Variants in PODNL1 observed in about 807,000 individuals in gnomAD.
PODNL1 encodes podocan like 1, also known as podocan-like protein 1.
A neutral mutation model predicts 45.1 loss-of-function variants in PODNL1; 50 were observed. The ratio of observed to expected loss-of-function variants is 1.11; its 90% CI spans 0.88 to 1.40. The LOEUF (loss-of-function observed/expected upper bound fraction) is 1.40. PODNL1 is among the 40% of genes most tolerant of loss of function. PODNL1 has a pLI of 0.00. For missense variants in PODNL1, 788 were observed against 793.3 expected, an observed-to-expected ratio of 0.99 and a Z score of 0.08; for synonymous variants, 406 against 372.5, an observed-to-expected ratio of 1.09 and a Z score of -1.04.
intron 1 of PODNL1, among the ~76,000 whole-genome samples, chr19:13,952,184 C>T (rs1973069616): frequency 6.6e-6 from 1 of 152,232 alleles, no homozygotes; most frequent in African/African-American, 2.4e-5. Flanking sequence ...CCTGTGGTCT[C>T]CATGGAAACC....
At chr19:13,934,660 G>A (rs1210523442) in intron 5 of PODNL1, among the ~76,000 whole-genome samples, 1 of 151,842 alleles carries the variant, frequency 6.6e-6, no homozygotes, top group East Asian at 1.9e-4. Context: ...GTGTGCATGT[G>A]TAAGTGTAAT....
rs763976047 is a variant in PODNL1, at chr19:13,938,218, G to C, written c.-37C>G. ...ACTCTGCCATCTCGCCCAAGCTGCT[G>C]ACCAGGACTTCCTAATGGAAACCAG... On this transcript the variant is annotated 5_prime_UTR_variant, in exon 1 of 10. Transcript: ENST00000588872. The C allele has an allele frequency of 6.2e-7, 1 of 1,605,986 alleles. No homozygotes were observed. Among genetic ancestry groups the C allele is most frequent in the Admixed American group, 1.7e-5 (1 of 59,240 alleles).
chr19:13,950,535 T>C lies in PODNL1; in HGVS notation c.18+2584A>G, dbSNP rs930269233. On this transcript the variant is annotated intron_variant, in intron 1 of 7. Transcript: ENST00000538371. ...TGTCTGATGTTGTCTAATGGTTAGA[T>C]TGAGGTTCTAGGTTTGGGGATAATA... 4.6e-5 allele frequency among the ~76,000 whole-genome samples: 7 copies of C among 152,188 alleles called. 1 individual carries two copies. The South Asian group carries it at 1.4e-3, about 31-fold the overall frequency.
intron 6 of PODNL1, 129 bp from the exon 7 acceptor site, chr19:13,934,122 C>G (rs761064281): frequency 1.2e-5 from 16 of 1,373,764 alleles, no homozygotes; most frequent in Non-Finnish European, 1.6e-5. Flanking sequence ...TAAAGTGATT[C>G]AAAGAAGGAT....
In PODNL1 at chr19:13,933,898, G is replaced by T. The variant is rs756334487; in HGVS notation, c.747C>A (p.Gly249=). 3 of 1,610,082 alleles carry T rather than the reference G, an allele frequency of 1.9e-6. No homozygotes were observed. In the African/African-American group the frequency reaches 4.0e-5, roughly 22 times the overall value. The change falls in exon 7 of 10, where the codon GGC becomes GGA. Residue 249 remains glycine (G), a synonymous_variant. Transcript: ENST00000588872. The surrounding 1 kb of genome is among the most constrained non-coding windows in gnomAD (Gnocchi z 5.2). ...TGTACCTGAAGGTGGTGGCATCCAG[G>T]CCACTGTCTGTCAGCTGGTTGTGCT... ...YLQHNQLTDS[G]LDATTFSKLH... is the part of the protein sequence containing the mutation.
intron 5 of PODNL1, 81 bp from the exon 6 acceptor site, chr19:13,934,491 C>T (rs938349839): frequency 2.2e-6 from 3 of 1,360,360 alleles, no homozygotes; most frequent in Non-Finnish European, 2.9e-6. Context: ...TGCTCAGGGT[C>T]GCCTTCAGTG....
chr19:13,935,693 T>C (rs773651048), intron 5 of PODNL1, 28 bp downstream of exon 5: 4 of 1,474,972 alleles, frequency 2.7e-6, no homozygotes, highest in Non-Finnish European at 3.6e-6. Context: ...ATCTGAGGCC[T>C]GGGGGCCTGG....
chr19:13,948,354 C>T (rs1366184388), intron 1 of PODNL1, among the ~76,000 whole-genome samples: 3 of 147,190 alleles, frequency 2.0e-5, no homozygotes, highest in Non-Finnish European at 4.5e-5. Flanking sequence ...GCGCCCGCCA[C>T]CACGCCCGGC....
chr19:13,933,432 A>C lies in PODNL1; in HGVS notation c.791T>G (p.Leu264Arg). ...TFSKLHSLEY[L>R]DLSHNQLTTV... ...GGTCAGCTGGTTGTGGGAGAGATCCAGGTATTCAAGGCTATGCAGCTTGCT... is the reference window on the plus strand; with the variant it reads ...GGTCAGCTGGTTGTGGGAGAGATCCCGGTATTCAAGGCTATGCAGCTTGCT... Residue 264 changes from leucine to arginine, a missense_variant, in exon 8 of 10, where the codon CTG (leucine) becomes CGG (arginine). Leu to Arg is a moderately radical substitution (Grantham distance 102). Transcript: ENST00000588872. The surrounding 1 kb of genome is among the most constrained non-coding windows in gnomAD (Gnocchi z 5.2). 1 of 1,586,492 alleles carries C rather than the reference A, an allele frequency of 6.3e-7. No homozygotes were observed. Among genetic ancestry groups the C allele is most frequent in the Non-Finnish European group, 8.6e-7 (1 of 1,168,138 alleles).
In PODNL1 at chr19:13,933,235, G is replaced by C; in HGVS notation, c.988C>G (p.Arg330Gly). The change falls in exon 8 of 10, where the codon CGG becomes GGG. Residue 330 changes from arginine to glycine, a missense_variant. By Grantham distance (125) the Arg-to-Gly change is moderately radical. Coordinates refer to ENST00000588872, the MANE Select transcript of PODNL1 (RefSeq NM_001370095.3). The surrounding 1 kb of genome is among the most constrained non-coding windows in gnomAD (Gnocchi z 5.2). Reference sequence around the variant, plus strand: ...TAGAGGTGCAGCGTGTGCAGGCCCCGCAGCGGCCGCAGAGCCCCGGCGGGC... The same window carrying C: ...TAGAGGTGCAGCGTGTGCAGGCCCCCCAGCGGCCGCAGAGCCCCGGCGGGC... ...GLPAGALRPL[R>G]GLHTLHLYGN... 3.9e-6 allele frequency: 6 copies of C among 1,542,012 alleles called. No homozygotes were observed. Among genetic ancestry groups the C allele is most frequent in the Non-Finnish European group, 5.2e-6 (6 of 1,148,844 alleles).
At position 13,936,371 on chromosome 19, in the gene PODNL1, G is replaced by A. The variant is rs142724902; in HGVS notation, c.315C>T (p.Ser105=). The change falls in exon 3 of 10, where the codon TCC becomes TCT. Residue 105 remains serine (S), a synonymous_variant. Coordinates refer to ENST00000588872, the MANE Select transcript of PODNL1 (RefSeq NM_001370095.3). The part of the protein sequence containing the change: ...TLNLHNNLIS[S]EGLPDEAFES... ...CGCCTCCCTCTGCCCCCTCACCTTC[G>A]GAGGAGATGAGGTTGTTGTGGAGGT... 1.2e-5 allele frequency: 20 copies of A among 1,611,396 alleles called. No individual in the cohort carries two copies. The East Asian group carries it at 2.9e-4, about 23-fold the overall frequency.
intron 1 of PODNL1, among the ~76,000 whole-genome samples, chr19:13,945,186 A>ACTG (rs1387675399): frequency 2.6e-5 from 4 of 152,056 alleles, no homozygotes; most frequent in Non-Finnish European, 5.9e-5. Flanking sequence ...GGCATGCACC[A>ACTG]CTGTGCCCTG....
upstream of PODNL1, among the ~76,000 whole-genome samples, chr19:13,943,415 C>T (rs561996772): frequency 4.2e-3 from 640 of 152,290 alleles, 9 homozygotes; most frequent in Non-Finnish European, 4.5e-3. Context: ...ATCTCTGCCT[C>T]AGTTTCCACG....
At chr19:13,950,397 T>G (rs1353150642) in intron 1 of PODNL1, among the ~76,000 whole-genome samples, 1 of 151,982 alleles carries the variant, frequency 6.6e-6, no homozygotes, top group East Asian at 1.9e-4. Flanking sequence ...CTTGATCTCG[T>G]GGGTTCAAGT....
upstream of PODNL1, among the ~76,000 whole-genome samples, chr19:13,942,826 A>G (rs547094082): frequency 7.3e-5 from 11 of 151,700 alleles, no homozygotes; most frequent in South Asian, 2.3e-3. Context: ...TCTACTAAAA[A>G]ATACAAAAAA....
Position 13,931,855 on chromosome 19 carries a change from G to A in PODNL1, c.1607C>T (p.Ala536Val), listed in dbSNP as rs1408644156. The change falls in exon 10 of 10, where the codon GCT becomes GTT. Residue 536 changes from alanine to valine, a missense_variant. Ala to Val is a moderately conservative substitution (Grantham distance 64). Around this residue, in one of 3 missense-constraint regions of PODNL1, gnomAD observed 762 missense variants for 750.9 expected, o/e 1.01. Coordinates refer to ENST00000588872, the MANE Select transcript of PODNL1 (RefSeq NM_001370095.3). ...GTTTGGGAGCCCCAGGAAGGCCTCA[G>A]CCGCGATGCTCGTCATGTGAAGCCT... ...ANRLHMTSIAAEAFLGLPNLR... is the reference protein window; with the variant it reads ...ANRLHMTSIAVEAFLGLPNLR... 6.3e-5 allele frequency: 77 copies of A among 1,231,868 alleles called. No homozygotes were observed. Among genetic ancestry groups the A allele is most frequent in the Non-Finnish European group, 7.3e-5 (72 of 987,930 alleles). The allele number at this position is 1,231,868 out of a possible 1,614,324, so 76.3% of individuals were successfully genotyped here.
chr19:13,952,788 C>T (rs1253315934), intron 1 of PODNL1: 1 of 1,259,820 alleles, frequency 7.9e-7, no homozygotes, highest in Non-Finnish European at 1.0e-6. Context: ...CTGGGCGGGG[C>T]CCGGGGGAGA....
At chr19:13,945,978 T>C (rs1397908562) in intron 1 of PODNL1, among the ~76,000 whole-genome samples, 1 of 151,820 alleles carries the variant, frequency 6.6e-6, no homozygotes, top group Non-Finnish European at 1.5e-5. Flanking sequence ...GGAAGACTGC[T>C]TGAGCCTGGG....
rs778932686 is a variant in PODNL1 at position 13,935,961 on chromosome 19, G to A, written c.384+19C>T. On this transcript the variant is annotated intron_variant, in intron 4 of 9. Coordinates refer to ENST00000588872, the MANE Select transcript of PODNL1 (RefSeq NM_001370095.3). ...GCACCCTCACTGGGCTCGGCCTGCG[G>A]GTGGGGCTGGGGGCTCACCTTGTTG... The A allele has an allele frequency of 1.5e-4, 239 of 1,551,214 alleles. No individual in the cohort carries two copies. Among genetic ancestry groups the A allele is most frequent in the Non-Finnish European group, 1.4e-4 (160 of 1,147,678 alleles).
Sources: allele counts gnomAD v4.1 joint callset (sites outside exome capture counted in the v4.1 genomes callset), GRCh38; gene constraint gnomAD v4.1.1; regional missense constraint gnomAD v4.1.1; non-coding constraint Gnocchi (gnomAD v3.1); transcripts MANE v1.5; gene names NCBI Gene and HGNC (gene_info 2026-07-23, HGNC 2026-07-21).